Variants in TNS1 observed in about 807,000 individuals in gnomAD.
TNS1 encodes the protein tensin 1.
A neutral mutation model predicts 168.6 loss-of-function variants in TNS1; 62 were observed. That is an observed-to-expected ratio of 0.37 (90% CI 0.30 to 0.45). The LOEUF (loss-of-function observed/expected upper bound fraction) is 0.45. TNS1 is among the 20% of genes least tolerant of loss of function. The pLI, the probability that TNS1 is intolerant of heterozygous loss-of-function variation, is 1.00. For missense variants in TNS1, 2,240 were observed against 2,339.4 expected (o/e 0.96, Z 0.88); for synonymous variants, 934 against 933.2 (o/e 1.00, Z -0.02).
intron 2 of TNS1, among the ~76,000 whole-genome samples, chr2:217,982,611 C>T (rs922194122): frequency 6.6e-6 from 1 of 152,072 alleles, no homozygotes; most frequent in African/African-American, 2.4e-5. Context: ...GCCATTTGCC[C>T]AGGCTGGTCT....
intron 3 of TNS1, among the ~76,000 whole-genome samples, chr2:217,931,187 T>A (rs545516616): frequency 1.3e-5 from 2 of 152,182 alleles, no homozygotes; most frequent in South Asian, 2.1e-4. Context: ...AATGCTATAA[T>A]GGAGGTATGA....
chr2:217,886,382 T>C (rs1951201818), intron 13 of TNS1, 152 bp downstream of exon 13: 2 of 695,598 alleles, frequency 2.9e-6, no homozygotes, highest in South Asian at 1.9e-5. Context: ...TAGAAAAGTT[T>C]AGGAAGCAAT....
chr2:217,893,389 T>C (rs757947817), intron 10 of TNS1, 50 bp downstream of exon 10: 4 of 1,482,484 alleles, frequency 2.7e-6, no homozygotes, highest in Non-Finnish European at 2.7e-6. Flanking sequence ...CATGTGCGCA[T>C]GTGCGCGCGC....
chr2:217,893,110 A>G, intron 10 of TNS1, 98 bp from the exon 11 acceptor site: 1 of 1,452,528 alleles, frequency 6.9e-7, no homozygotes, highest in Non-Finnish European at 9.6e-7. Context: ...TCAGGGCTGG[A>G]GAGAGGGGTG....
chr2:217,935,658 A>C (rs1162502064), intron 3 of TNS1, among the ~76,000 whole-genome samples: 1 of 152,184 alleles, frequency 6.6e-6, no homozygotes, highest in Non-Finnish European at 1.5e-5. Context: ...CACTCTGGGC[A>C]GTTGCACTCA....
intron 12 of TNS1, among the ~76,000 whole-genome samples, chr2:217,888,623 A>G (rs767557944): frequency 6.6e-6 from 1 of 152,106 alleles, no homozygotes; most frequent in Non-Finnish European, 1.5e-5. Context: ...CCCCCATTCT[A>G]TTCTCGTGGT....
intron 18 of TNS1, among the ~76,000 whole-genome samples, chr2:217,858,212 C>A (rs1378117602): frequency 6.6e-6 from 1 of 152,058 alleles, no homozygotes; most frequent in Non-Finnish European, 1.5e-5. Context: ...GACACACGGC[C>A]CCCCCACCAA....
intron 18 of TNS1, among the ~76,000 whole-genome samples, chr2:217,863,868 G>A (rs552124154): frequency 6.6e-6 from 1 of 152,226 alleles, no homozygotes; most frequent in South Asian, 2.1e-4. Context: ...TGCCTGGGGT[G>A]GGCACAGCAG....
At chr2:217,933,291 C>T (rs1489499417) in intron 3 of TNS1, among the ~76,000 whole-genome samples, 3 of 152,186 alleles carry the variant, frequency 2.0e-5, no homozygotes, top group Non-Finnish European at 4.4e-5. Flanking sequence ...TCGGAAAACA[C>T]TGAGAGATTT....
At chr2:217,849,979 A>G in intron 18 of TNS1, 1 of 985,362 alleles carries the variant, frequency 1.0e-6, no homozygotes, top group Non-Finnish European at 1.2e-6. Flanking sequence ...CCATTCAGAG[A>G]TACAATGTCA....
intron 18 of TNS1, among the ~76,000 whole-genome samples, chr2:217,868,881 C>T (rs1949522743): frequency 6.6e-6 from 1 of 152,256 alleles, no homozygotes; most frequent in Admixed American, 6.5e-5. Flanking sequence ...CTCTAAGACA[C>T]TGTCCTTAAT....
At chr2:217,810,222 G>A (rs1364948351) in intron 29 of TNS1, 26 bp downstream of exon 29, 19 of 1,612,522 alleles carry the variant, frequency 1.2e-5, no homozygotes, top group Non-Finnish European at 1.6e-5. Flanking sequence ...GCCTGGGCAT[G>A]GGTACAGTTT....
chr2:217,965,654 A>G (rs1957607404), intron 3 of TNS1, among the ~76,000 whole-genome samples: 5 of 152,144 alleles, frequency 3.3e-5, no homozygotes, highest in Admixed American at 3.3e-4. Context: ...GCCAAGGTGG[A>G]GCCCCAGGAG....
intron 3 of TNS1, among the ~76,000 whole-genome samples, chr2:217,935,592 C>T (rs903418539): frequency 9.2e-5 from 14 of 152,188 alleles, no homozygotes; most frequent in African/African-American, 2.9e-4. Flanking sequence ...CGTGAGCCAC[C>T]GAATTCCTTC....
intron 15 of TNS1, 26 bp downstream of exon 15, chr2:217,885,718 G>A (rs1447096234): frequency 3.3e-5 from 52 of 1,556,164 alleles, no homozygotes; most frequent in Non-Finnish European, 4.5e-5. Flanking sequence ...ACAAGGATGG[G>A]GCTTGACACA....
chr2:217,882,304 A>T (rs1295425726), intron 17 of TNS1, 42 bp downstream of exon 17: 1 of 1,378,156 alleles, frequency 7.3e-7, no homozygotes, highest in African/African-American at 1.4e-5. Flanking sequence ...GGGTCAGGAT[A>T]AAAGGAAGGA....
intron 3 of TNS1, among the ~76,000 whole-genome samples, chr2:217,953,562 G>A (rs1207341893): frequency 6.6e-6 from 1 of 152,228 alleles, no homozygotes; most frequent in East Asian, 1.9e-4. Flanking sequence ...CCAGCGTTCA[G>A]GCCAATCATA....
At chr2:217,879,642 C>T (rs1216691757) in intron 18 of TNS1, 2 of 283,670 alleles carry the variant, frequency 7.1e-6, no homozygotes, top group African/African-American at 4.7e-5. Context: ...TCCCTCATCC[C>T]ACTTCTCTCT....
rs756451430 is a variant in TNS1 at position 217,893,580 on chromosome 2, G to C, written c.595-19C>G. Reference sequence around the variant, plus strand: ...CCAGTACCTGTGGCCCAAGCCATGAGTGAGAAGAGGGCAGAAGCCCTGCAG... The same window carrying C: ...CCAGTACCTGTGGCCCAAGCCATGACTGAGAAGAGGGCAGAAGCCCTGCAG... On this transcript the variant is annotated intron_variant, in intron 9 of 32. Coordinates refer to ENST00000682258, the MANE Select transcript of TNS1 (RefSeq NM_001387777.1). 1 of 1,599,242 alleles carries C rather than the reference G, an allele frequency of 6.3e-7. No homozygotes were observed. Among genetic ancestry groups the C allele is most frequent in the Non-Finnish European group, 8.5e-7 (1 of 1,172,612 alleles).
Sources: gnomAD v4.1 joint callset for allele counts (sites outside exome capture counted in the v4.1 genomes callset) on GRCh38, gnomAD v4.1.1 for gene constraint, MANE v1.5 for transcripts, NCBI Gene and HGNC (gene_info 2026-07-23, HGNC 2026-07-21) for gene names.